The following GLS variants were observed in gnomAD, a reference collection of about 807,000 sequenced individuals.
GLS encodes the protein glutaminase.
Under a neutral mutation model 86.7 loss-of-function variants are expected in GLS, and 36 were observed. The ratio of observed to expected loss-of-function variants is 0.42; its 90% confidence interval spans 0.32 to 0.55. The LOEUF (loss-of-function observed/expected upper bound fraction) is 0.55, where lower values mean the gene tolerates loss of function less well. Among genes scored for constraint, GLS ranks in the 20% least tolerant of loss-of-function variants. GLS has a pLI of 0.17. For missense variants in GLS, 528 were observed against 833.4 expected (o/e 0.63, Z 4.51); for synonymous variants, 317 against 305.9 (o/e 1.04, Z -0.38).
intron 6 of GLS, 78 bp from the exon 7 acceptor site, chr2:190,910,185 C>T (rs897038156): frequency 2.3e-6 from 2 of 874,782 alleles, no homozygotes; most frequent in Admixed American, 2.6e-5. Context: ...GTGCTTTTTC[C>T]AAGGTCATTT....
rs182504707 is a variant in GLS, at chr2:190,948,748, C to T, written c.1651-4817C>T. On this transcript the variant is annotated intron_variant, in intron 14 of 17. Transcript: ENST00000320717. ...AGTGCCATAGTGCAGCAAAGGTAGA[C>T]GGAGATTACTTTTGATTTAAGAGAT... 7.9e-5 allele frequency among the ~76,000 whole-genome samples: 12 copies of T among 152,106 alleles called. No homozygotes were observed. The East Asian group carries it at 1.3e-3, about 17-fold the overall frequency.
At chr2:190,903,000 G>T (rs1688999375) in intron 5 of GLS, among the ~76,000 whole-genome samples, 1 of 152,114 alleles carries the variant, frequency 6.6e-6, no homozygotes, top group Non-Finnish European at 1.5e-5. Flanking sequence ...AGTAATTTTA[G>T]ATTTTACTTT....
chr2:190,957,591 CTAGTT>C (rs1238506207), intron 17 of GLS, among the ~76,000 whole-genome samples: 7 of 152,148 alleles, frequency 4.6e-5, no homozygotes, highest in African/African-American at 1.7e-4. Context: ...CCATCAATAC[CTAGTT>C]TATTGAGAGT....
In GLS at chr2:190,927,288, G is replaced by A; in HGVS notation, c.1249-18G>A. On this transcript the variant is annotated intron_variant, in intron 11 of 17. Transcript: ENST00000320717. ...ATATTAAAAGTAGTATGAGAATTCT[G>A]CTTTTTCTTTGTGTTAGCTGTGCTC... The A allele has an allele frequency of 1.3e-6, 2 of 1,572,978 alleles. No individual in the cohort carries two copies. The highest frequency in any genetic ancestry group is 1.7e-6 in the Non-Finnish European group (2 of 1,160,084).
At chr2:190,919,751 T>C in intron 7 of GLS, 2 of 500,900 alleles carry the variant, frequency 4.0e-6, no homozygotes, top group Non-Finnish European at 5.2e-6. Flanking sequence ...TTCTGGTATA[T>C]TATAAGGAAA....
chr2:190,922,346 G>A (rs772604678), intron 9 of GLS, among the ~76,000 whole-genome samples: 5 of 152,048 alleles, frequency 3.3e-5, no homozygotes, highest in African/African-American at 4.8e-5. Context: ...TTCTTATTTT[G>A]CACTTCCTGC....
chr2:190,930,497 A>G lies in GLS; in HGVS notation c.1486A>G (p.Met496Val). 6.2e-7 allele frequency: 1 copy of G among 1,611,226 alleles called. No individual in the cohort carries two copies. The highest frequency in any genetic ancestry group is 8.5e-7 in the Non-Finnish European group (1 of 1,177,498). ...GGILLVVPNV[M>V]GMMCWSPPLD... ...CATTCTTTTAGTTGTCCCCAATGTT[A>G]TGGGTATGATGTGCTGGTCTCCTCC... Residue 496 changes from methionine (M) to valine (V), a missense_variant, in exon 13 of 18, where the codon ATG becomes GTG. Physicochemically the swap from Met to Val is conservative, Grantham distance 21. Transcript: ENST00000320717. The surrounding 1 kb of genome is among the most constrained non-coding windows in gnomAD (Gnocchi z 5.0).
rs940963664 is a variant in GLS at position 190,930,057 on chromosome 2, A to G, written c.1426-380A>G. ...GAGATAATTTTTAATTTTTAAACCAATTTCCCAATTGTGTTTTTTTTTTTT... is the reference window on the plus strand; with the variant it reads ...GAGATAATTTTTAATTTTTAAACCAGTTTCCCAATTGTGTTTTTTTTTTTT... On this transcript the variant is annotated intron_variant, in intron 12 of 17. Transcript: ENST00000320717. This position sits in a 1 kb window ranked among gnomAD's most constrained non-coding sequence, Gnocchi z 5.0. Among the ~76,000 whole-genome samples the G allele has an allele frequency of 6.7e-6, 1 of 148,182 alleles. No homozygotes were observed. The highest frequency in any genetic ancestry group is 1.5e-5 in the Non-Finnish European group (1 of 67,162).
chr2:190,890,240 T>C (rs1688516502), intron 1 of GLS, among the ~76,000 whole-genome samples: 3 of 152,098 alleles, frequency 2.0e-5, no homozygotes, highest in African/African-American at 7.2e-5. Context: ...CTGGAGTACA[T>C]TGGTGCCATT....
At chr2:190,929,630 C>T (rs545793046) in intron 12 of GLS, among the ~76,000 whole-genome samples, 3 of 151,862 alleles carry the variant, frequency 2.0e-5, no homozygotes, top group Admixed American at 6.6e-5. Flanking sequence ...CCACCACACG[C>T]GGCTAAGTTT....
intron 1 of GLS, among the ~76,000 whole-genome samples, chr2:190,889,586 G>A (rs767255021): frequency 6.6e-6 from 1 of 152,116 alleles, no homozygotes; most frequent in African/African-American, 2.4e-5. Flanking sequence ...ATTCCATCTA[G>A]ACTGATATAT....
intron 14 of GLS, chr2:190,933,669 A>C (rs1690179622): frequency 1.0e-6 from 1 of 953,300 alleles, no homozygotes; most frequent in South Asian, 4.8e-5. Flanking sequence ...TTGTTCACCT[A>C]AACAATTTTA....
intron 17 of GLS, among the ~76,000 whole-genome samples, chr2:190,957,868 C>CT (rs777290530): frequency 6.6e-6 from 1 of 152,080 alleles, no homozygotes; most frequent in Admixed American, 6.5e-5. Context: ...CTGAAATTTT[C>CT]TTTTTTTGTT....
chr2:190,932,947 T>G (rs1574607495), intron 14 of GLS: 1 of 1,302,566 alleles, frequency 7.7e-7, no homozygotes, highest in Non-Finnish European at 9.8e-7. Context: ...AAATATTTAT[T>G]TGAGGTATTT....
intron 5 of GLS, 35 bp from the exon 6 acceptor site, chr2:190,904,969 T>G (rs1248610144): frequency 8.1e-7 from 1 of 1,236,028 alleles, no homozygotes; most frequent in Non-Finnish European, 1.2e-6. Flanking sequence ...TTTTTCCCAG[T>G]TGATGTTATT....
intron 13 of GLS, among the ~76,000 whole-genome samples, chr2:190,931,114 T>G (rs1023177441): frequency 6.6e-6 from 1 of 152,218 alleles, no homozygotes; most frequent in Non-Finnish European, 1.5e-5. Flanking sequence ...GAGTTCATAT[T>G]AAGTACCATA....
Position 190,943,854 on chromosome 2 carries a change from G to T in GLS, c.1651-9711G>T, listed in dbSNP as rs1470369065. The stretch of plus-strand genomic sequence containing the variant: ...AAATAAACATTGAAGAATATAGGGA[G>T]TTAAGTAAGGCTCTGGAGACCAGTG... On this transcript the variant is annotated intron_variant, in intron 14 of 17. Transcript: ENST00000320717. The surrounding 1 kb of genome is among the most constrained non-coding windows in gnomAD (Gnocchi z 4.5). 6.6e-6 allele frequency among the ~76,000 whole-genome samples: 1 copy of T among 152,170 alleles called. No individual in the cohort carries two copies. Among genetic ancestry groups the T allele is most frequent in the Non-Finnish European group, 1.5e-5 (1 of 68,022 alleles).
At chr2:190,887,858 A>G (rs934274042) in intron 1 of GLS, among the ~76,000 whole-genome samples, 2 of 152,206 alleles carry the variant, frequency 1.3e-5, no homozygotes, top group African/African-American at 4.8e-5. Flanking sequence ...TTAGTCATTT[A>G]AAATGTTTGC....
At chr2:190,945,325 T>C (rs1690548886) in intron 14 of GLS, among the ~76,000 whole-genome samples, 1 of 152,170 alleles carries the variant, frequency 6.6e-6, no homozygotes, top group Non-Finnish European at 1.5e-5. Context: ...TATGACTTTT[T>C]AGTTTACAAA....
Sources: gnomAD v4.1 joint callset for allele counts (sites outside exome capture counted in the v4.1 genomes callset) on GRCh38, gnomAD v4.1.1 for gene constraint, Gnocchi (gnomAD v3.1) non-coding constraint, MANE v1.5 for transcripts, NCBI Gene and HGNC (gene_info 2026-07-23, HGNC 2026-07-21) for gene names.